The following NEK6 variants were observed in gnomAD, a reference collection of about 807,000 sequenced individuals.
The protein encoded by NEK6 is serine/threonine-protein kinase Nek6.
Under a neutral mutation model 43.5 loss-of-function variants are expected in NEK6, and 27 were observed. The observed-to-expected ratio is 0.62, with a 90% CI of 0.46 to 0.86. The LOEUF (loss-of-function observed/expected upper bound fraction) is 0.86, where lower values mean the gene tolerates loss of function less well. Ranked by LOEUF, NEK6 falls within the 40% of genes least tolerant of loss-of-function variation. NEK6 has a pLI of 0.00. For missense variants in NEK6, 318 were observed against 414.4 expected, an observed-to-expected ratio of 0.77 and a Z score of 2.02; for synonymous variants, 167 against 164.1, an observed-to-expected ratio of 1.02 and a Z score of -0.14.
intron 5 of NEK6, 27 bp downstream of exon 5, chr9:124,321,596 T>G (rs767274344): frequency 7.1e-7 from 1 of 1,412,880 alleles, no homozygotes; most frequent in Non-Finnish European, 1.0e-6. Context: ...GTGGGGGTGC[T>G]GGGGGCTGCG....
chr9:124,303,099 G>C (rs1383011521), intron 2 of NEK6, among the ~76,000 whole-genome samples: 1 of 152,256 alleles, frequency 6.6e-6, no homozygotes, highest in African/African-American at 2.4e-5. Context: ...GGGCCAGAGA[G>C]GCTTCCTCAT....
At chr9:124,264,002 C>T (rs180677180) in intron 1 of NEK6, among the ~76,000 whole-genome samples, 15 of 152,324 alleles carry the variant, frequency 9.8e-5, no homozygotes, top group South Asian at 4.1e-4. Flanking sequence ...GCGTCGGCCC[C>T]GCAGAGGACT....
At position 124,275,143 on chromosome 9, in the gene NEK6, C is replaced by T. The variant is rs1831602919; in HGVS notation, c.-30+17058C>T. ...CACACAGTGGGAATTCCACAGATAA[C>T]AGAAGGAAGGATTGATGAAGGCTCT... On this transcript the variant is annotated intron_variant, in intron 1 of 9. Coordinates refer to ENST00000320246, the MANE Select transcript of NEK6 (RefSeq NM_014397.6). The surrounding 1 kb of genome is among the most constrained non-coding windows in gnomAD (Gnocchi z 4.4). Among the ~76,000 whole-genome samples, 1 of 152,186 alleles carries T rather than the reference C, an allele frequency of 6.6e-6. No homozygotes were observed. The highest frequency in any genetic ancestry group is 1.5e-5 in the Non-Finnish European group (1 of 68,034).
intron 1 of NEK6, among the ~76,000 whole-genome samples, chr9:124,296,172 C>G (rs1006965384): frequency 2.0e-5 from 3 of 152,258 alleles, no homozygotes; most frequent in Non-Finnish European, 4.4e-5. Flanking sequence ...CCACCAGGAG[C>G]CAGCTGGACC....
At position 124,326,639 on chromosome 9, in the gene NEK6, G is replaced by A. The variant is rs1365156658; in HGVS notation, c.514+201G>A. Among the ~76,000 whole-genome samples the A allele has an allele frequency of 6.6e-6, 1 of 152,206 alleles. No homozygotes were observed. Among genetic ancestry groups the A allele is most frequent in the Non-Finnish European group, 1.5e-5 (1 of 68,020 alleles). ...CTCCCCGAGGTGGAAAGTGACATGA[G>A]CCCCAGGGGGCAGGGGCCCCGCTTG... On this transcript the variant is annotated intron_variant, in intron 6 of 9. Coordinates refer to ENST00000320246, the MANE Select transcript of NEK6 (RefSeq NM_014397.6). The surrounding 1 kb of genome is among the most constrained non-coding windows in gnomAD (Gnocchi z 4.5).
intron 5 of NEK6, among the ~76,000 whole-genome samples, chr9:124,325,300 C>T (rs1162598784): frequency 2.6e-5 from 4 of 152,160 alleles, no homozygotes; most frequent in Non-Finnish European, 5.9e-5. Flanking sequence ...TGGGCCTAGC[C>T]CTCCCTCTTA....
rs568970429 is a variant in NEK6, at chr9:124,322,813, C to G, written c.405+1244C>G. On this transcript the variant is annotated intron_variant, in intron 5 of 9. Transcript: ENST00000320246. ...TTCCCATCAGGCACTGGGGATTGAG[C>G]AATTGCTCAGTGCTCTTCTGAAATT... Among the ~76,000 whole-genome samples the G allele has an allele frequency of 2.4e-4, 36 of 152,368 alleles. 1 individual carries two copies. The South Asian group carries it at 2.7e-3, about 11-fold the overall frequency.
intron 1 of NEK6, among the ~76,000 whole-genome samples, chr9:124,262,673 A>C (rs1339408998): frequency 2.6e-5 from 4 of 152,226 alleles, no homozygotes; most frequent in Non-Finnish European, 5.9e-5. Flanking sequence ...TGGGAATTGA[A>C]AGATGGGGTG....
intron 1 of NEK6, among the ~76,000 whole-genome samples, chr9:124,260,747 T>C (rs1195543115): frequency 6.6e-6 from 1 of 152,194 alleles, no homozygotes; most frequent in African/African-American, 2.4e-5. Flanking sequence ...TCTGGTGCTG[T>C]ATTTTACCCA....
At chr9:124,315,700 C>G (rs760901513) in intron 4 of NEK6, among the ~76,000 whole-genome samples, 2 of 152,140 alleles carry the variant, frequency 1.3e-5, no homozygotes, top group Non-Finnish European at 2.9e-5. Context: ...GGTCCCTGGT[C>G]ACACAGATGT....
At chr9:124,300,879 G>T (rs1044048756) in intron 1 of NEK6, among the ~76,000 whole-genome samples, 3 of 152,224 alleles carry the variant, frequency 2.0e-5, no homozygotes, top group African/African-American at 7.2e-5. Context: ...AGGCCTCAAG[G>T]GGTTCTGCCT....
intron 1 of NEK6, among the ~76,000 whole-genome samples, chr9:124,295,607 C>G (rs1832648777): frequency 6.6e-6 from 1 of 152,208 alleles, no homozygotes; most frequent in Admixed American, 6.5e-5. Flanking sequence ...CCTGTCTGAA[C>G]TTTGGTTTCT....
intron 1 of NEK6, among the ~76,000 whole-genome samples, chr9:124,283,174 C>A (rs915725500): frequency 2.0e-5 from 3 of 152,258 alleles, no homozygotes; most frequent in Non-Finnish European, 4.4e-5. Context: ...CCAGCCCTGA[C>A]CCTCTCAGGA....
rs1014777973 is a variant in NEK6, at chr9:124,339,644, C to T, written c.696C>T (p.Ser232=). 1.2e-6 allele frequency: 2 copies of T among 1,613,684 alleles called. No homozygotes were observed. Among genetic ancestry groups the T allele is most frequent in the African/African-American group, 2.7e-5 (2 of 74,922 alleles). ...ACAACTTCAAGTCCGACATCTGGTC[C>T]CTGGGCTGTCTGCTGTACGAGGTGA... ...NGYNFKSDIW[S]LGCLLYEMAA... The change falls in exon 8 of 10, where the codon TCC becomes TCT. Residue 232 remains serine (S), a synonymous_variant. Coordinates refer to ENST00000320246, the MANE Select transcript of NEK6 (RefSeq NM_014397.6).
intron 2 of NEK6, among the ~76,000 whole-genome samples, chr9:124,305,994 G>A (rs13440223): frequency 0.014 from 2,155 of 152,308 alleles, 45 homozygotes; most frequent in African/African-American, 0.049. Context: ...GGTGGCAAGG[G>A]GGTACTTGGG....
intron 2 of NEK6, among the ~76,000 whole-genome samples, chr9:124,311,983 G>A (rs1489381095): frequency 1.3e-5 from 2 of 152,238 alleles, no homozygotes; most frequent in Non-Finnish European, 2.9e-5. Context: ...ACCACACCTG[G>A]CCAAGGCTAT....
At chr9:124,319,109 C>G (rs558576573) in intron 4 of NEK6, among the ~76,000 whole-genome samples, 5 of 152,148 alleles carry the variant, frequency 3.3e-5, no homozygotes, top group Non-Finnish European at 7.3e-5. Flanking sequence ...CCCAACCTCT[C>G]GAGTAGCTGT....
At chr9:124,311,902 C>T (rs1179037244) in intron 2 of NEK6, among the ~76,000 whole-genome samples, 4 of 152,222 alleles carry the variant, frequency 2.6e-5, no homozygotes, top group Non-Finnish European at 5.9e-5. Flanking sequence ...GTTGGCCAGG[C>T]TGGTCTCGAA....
intron 3 of NEK6, among the ~76,000 whole-genome samples, chr9:124,313,598 C>G (rs1833658812): frequency 6.6e-6 from 1 of 152,174 alleles, no homozygotes. Flanking sequence ...GAACTCCTGA[C>G]CTCAAGTGAT....
Sources: allele counts gnomAD v4.1 joint callset (sites outside exome capture counted in the v4.1 genomes callset), GRCh38; gene constraint gnomAD v4.1.1; non-coding constraint Gnocchi (gnomAD v3.1); transcripts MANE v1.5; gene names NCBI Gene and HGNC (gene_info 2026-07-23, HGNC 2026-07-21).